PHF24: variants seen among roughly 807,000 people sequenced by gnomAD.
The protein encoded by PHF24 is PHD finger protein 24.
Under a neutral mutation model 42.6 loss-of-function variants are expected in PHF24, and 25 were observed. That is an observed-to-expected ratio of 0.59 (90% CI 0.43 to 0.82). The LOEUF (loss-of-function observed/expected upper bound fraction) is 0.82. PHF24 is among the 40% of genes least tolerant of loss of function. PHF24 has a pLI of 0.00. For missense variants in PHF24, 470 were observed against 538.1 expected (o/e 0.87, Z 1.25); for synonymous variants, 185 against 204.8 (o/e 0.90, Z 0.83).
At chr9:34,803,292 A>G in the PHF24 span, among the ~76,000 whole-genome samples, 458 of 152,182 alleles carry the variant, frequency 3.0e-3, 4 homozygotes, top group Non-Finnish European at 5.0e-3. Flanking sequence ...GTTTTGGAAT[A>G]TTTAGTATGT....
chr9:34,740,903 G>A, the PHF24 span, among the ~76,000 whole-genome samples: 60,075 of 149,780 alleles, frequency 0.4, 13,467 homozygotes, highest in East Asian at 0.6. Flanking sequence ...TTTTTTTTTG[G>A]TTATGGAGTT....
chr9:34,723,732 G>A, the PHF24 span: 1 of 1,551,716 alleles, frequency 6.4e-7, no homozygotes, highest in Non-Finnish European at 8.7e-7. Context: ...CTCAGGAAAG[G>A]CTGACCCTGT....
the PHF24 span, among the ~76,000 whole-genome samples, chr9:34,763,023 T>C: frequency 2.6e-3 from 399 of 152,320 alleles, no homozygotes; most frequent in African/African-American, 9.4e-3. Flanking sequence ...TGTGGCATTA[T>C]TTCTGAGGGC....
chr9:34,727,521 G>A, the PHF24 span, among the ~76,000 whole-genome samples: 2 of 152,192 alleles, frequency 1.3e-5, no homozygotes, highest in Non-Finnish European at 2.9e-5. Flanking sequence ...TTAAGGAGAG[G>A]ATAATATAAT....
chr9:34,981,629 T>A (rs1438932967), exon 8 of PHF24: 1 of 152,130 alleles, frequency 6.6e-6, no homozygotes, highest in African/African-American at 2.4e-5. Flanking sequence ...GACAGACAGA[T>A]GTGTGGCCCT....
chr9:34,675,731 G>T, the PHF24 span, among the ~76,000 whole-genome samples: 334 of 152,266 alleles, frequency 2.2e-3, no homozygotes, highest in Middle Eastern at 0.01. Context: ...TGAACCTCAG[G>T]GTGCCTGGGC....
At chr9:34,876,385 G>A in the PHF24 span, among the ~76,000 whole-genome samples, 1 of 152,162 alleles carries the variant, frequency 6.6e-6, no homozygotes, top group African/African-American at 2.4e-5. Context: ...ACTAAGTGAA[G>A]AAGTCAATCT....
chr9:34,828,093 T>C, the PHF24 span, among the ~76,000 whole-genome samples: 1 of 152,104 alleles, frequency 6.6e-6, no homozygotes, highest in Non-Finnish European at 1.5e-5. Flanking sequence ...CTCTACCTCC[T>C]GCTTTCTAGC....
chr9:34,723,514 C>T, the PHF24 span: 1 of 1,551,816 alleles, frequency 6.4e-7, no homozygotes. Context: ...TGGTTTTGGC[C>T]ACCTTCGCAG....
chr9:34,878,840 C>T, the PHF24 span, among the ~76,000 whole-genome samples: 1 of 152,234 alleles, frequency 6.6e-6, no homozygotes, highest in South Asian at 2.1e-4. Flanking sequence ...TTAAACATCC[C>T]TGTCTGACAG....
chr9:34,668,124 C>T, the PHF24 span, among the ~76,000 whole-genome samples: 5 of 152,206 alleles, frequency 3.3e-5, no homozygotes, highest in Non-Finnish European at 5.9e-5. Flanking sequence ...GTTGGTATCT[C>T]CCAGAGCTAG....
the PHF24 span, among the ~76,000 whole-genome samples, chr9:34,849,698 G>C: frequency 8.1e-4 from 123 of 152,200 alleles, no homozygotes; most frequent in Non-Finnish European, 1.5e-3. Context: ...TCCTAGCCTC[G>C]ATGGTCTTTA....
the PHF24 span, among the ~76,000 whole-genome samples, chr9:34,842,021 A>G: frequency 6.6e-6 from 1 of 152,076 alleles, no homozygotes; most frequent in African/African-American, 2.4e-5. Flanking sequence ...CAAACCATTG[A>G]TCTATTTTCC....
At chr9:34,830,606 A>G in the PHF24 span, among the ~76,000 whole-genome samples, 2 of 152,182 alleles carry the variant, frequency 1.3e-5, no homozygotes, top group African/African-American at 4.8e-5. Context: ...TAGGATTACC[A>G]AAGCTGCCTT....
chr9:34,894,999 T>C, the PHF24 span: 1 of 398,458 alleles, frequency 2.5e-6, no homozygotes, highest in Admixed American at 4.4e-5. Context: ...GGAACCTCAC[T>C]CACAGCAGAA....
the PHF24 span, among the ~76,000 whole-genome samples, chr9:34,694,156 ATTCTTTTTTTT>A: frequency 1.4e-5 from 1 of 73,390 alleles, no homozygotes; most frequent in Non-Finnish European, 2.8e-5. Context: ...GTCTATCTCT[ATTCTTTTTTTT>A]TTTTTTTTTT....
chr9:34,894,518 T>C, the PHF24 span: 3 of 398,442 alleles, frequency 7.5e-6, no homozygotes, highest in Non-Finnish European at 1.3e-5. Context: ...AAACAGAAGA[T>C]AGTGAGTGTT....
chr9:34,848,070 T>C, the PHF24 span, among the ~76,000 whole-genome samples: 44 of 152,038 alleles, frequency 2.9e-4, no homozygotes, highest in African/African-American at 9.2e-4. Flanking sequence ...TCTTTTTTGG[T>C]TGTGTCTCTG....
At chr9:34,786,464 T>C in the PHF24 span, among the ~76,000 whole-genome samples, 269 of 152,270 alleles carry the variant, frequency 1.8e-3, 1 homozygote, top group African/African-American at 6.3e-3. Flanking sequence ...TAGCTAGCCA[T>C]GGGGACTCTT....
Sources: gnomAD v4.1 joint callset for allele counts (sites outside exome capture counted in the v4.1 genomes callset) on GRCh38, gnomAD v4.1.1 for gene constraint, MANE v1.5 for transcripts, NCBI Gene and HGNC (gene_info 2026-07-23, HGNC 2026-07-21) for gene names.